LINGO2: variants seen among roughly 807,000 people sequenced by gnomAD.
LINGO2 encodes leucine-rich repeat and immunoglobulin-like domain-containing nogo receptor-interacting protein 2.
LINGO2 carries 14 observed loss-of-function variants against 30.6 expected under a neutral mutation model. The observed-to-expected ratio is 0.46, with a 90% CI of 0.30 to 0.72. The LOEUF (loss-of-function observed/expected upper bound fraction) is 0.72, where lower values mean the gene tolerates loss of function less well. LINGO2 is among the 30% of genes least tolerant of loss of function. The probability of loss-of-function intolerance (pLI) is 0.07; values close to 1 mark genes in which losing one functional copy is unlikely to be tolerated. For synonymous variants in LINGO2, 317 were observed against 288.5 expected, an observed-to-expected ratio of 1.10 and a Z score of -1.00; for missense variants, 729 against 751.7, an observed-to-expected ratio of 0.97 and a Z score of 0.35.
chr9:28,906,586 C>T, the LINGO2 span, among the ~76,000 whole-genome samples: 1 of 151,782 alleles, frequency 6.6e-6, no homozygotes, highest in Admixed American at 6.6e-5. Context: ...ATGCCAAATG[C>T]AGAAAGGGTG....
intron 2 of LINGO2, among the ~76,000 whole-genome samples, chr9:28,470,364 C>T (rs904633442): frequency 6.6e-6 from 1 of 152,172 alleles, no homozygotes; most frequent in African/African-American, 2.4e-5. Context: ...AAATTATGCA[C>T]ATACAAATTG....
chr9:28,926,486 A>G, the LINGO2 span, among the ~76,000 whole-genome samples: 4 of 152,042 alleles, frequency 2.6e-5, no homozygotes, highest in African/African-American at 9.7e-5. Flanking sequence ...ATATGCTGAC[A>G]TGACAAAGAT....
chr9:28,953,569 T>C, the LINGO2 span, among the ~76,000 whole-genome samples: 16 of 152,218 alleles, frequency 1.1e-4, 1 homozygote, highest in African/African-American at 3.1e-4. Context: ...GACTGTTCTA[T>C]ATTTTTGTAA....
chr9:28,392,969 G>C (rs747295163), intron 2 of LINGO2, among the ~76,000 whole-genome samples: 12 of 152,186 alleles, frequency 7.9e-5, no homozygotes, highest in Non-Finnish European at 8.8e-5. Context: ...ATGGTGCTGA[G>C]GGAGAATATG....
chr9:28,410,434 A>C (rs1168226956), intron 2 of LINGO2, among the ~76,000 whole-genome samples: 2 of 152,124 alleles, frequency 1.3e-5, no homozygotes, highest in African/African-American at 4.8e-5. Flanking sequence ...AAAAATAAGA[A>C]TGTTCCCCTG....
chr9:29,122,767 T>C, the LINGO2 span, among the ~76,000 whole-genome samples: 1 of 152,076 alleles, frequency 6.6e-6, no homozygotes, highest in African/African-American at 2.4e-5. Flanking sequence ...CTGTCATTCA[T>C]CTCTGTCCAT....
At chr9:28,218,281 A>T (rs1316658449) in intron 4 of LINGO2, among the ~76,000 whole-genome samples, 4 of 149,200 alleles carry the variant, frequency 2.7e-5, no homozygotes, top group Admixed American at 2.7e-4. Context: ...TGAATTTCTA[A>T]TTTTTTTTTT....
At chr9:28,577,588 G>A (rs1212873736) in intron 1 of LINGO2, among the ~76,000 whole-genome samples, 3 of 152,102 alleles carry the variant, frequency 2.0e-5, no homozygotes. Context: ...TATGTGTATT[G>A]AATTCTTTCT....
chr9:28,140,828 G>A (rs1400756239), intron 4 of LINGO2, among the ~76,000 whole-genome samples: 1 of 151,908 alleles, frequency 6.6e-6, no homozygotes, highest in East Asian at 1.9e-4. Context: ...TATCTCTAAT[G>A]TCCTGTACAG....
At chr9:28,869,277 C>G in the LINGO2 span, among the ~76,000 whole-genome samples, 1,245 of 152,110 alleles carry the variant, frequency 8.2e-3, 16 homozygotes, top group African/African-American at 0.029. Flanking sequence ...GCAAATATTT[C>G]CAGTACAGCC....
the LINGO2 span, among the ~76,000 whole-genome samples, chr9:28,991,669 G>C: frequency 6.6e-6 from 1 of 150,782 alleles, no homozygotes; most frequent in East Asian, 1.9e-4. Context: ...CGGATCTCTC[G>C]GCAGAAACTC....
intron 3 of LINGO2, among the ~76,000 whole-genome samples, chr9:28,313,550 A>C (rs1047590750): frequency 1.3e-5 from 2 of 152,180 alleles, no homozygotes; most frequent in Admixed American, 1.3e-4. Context: ...GATCAGAAGA[A>C]ATTGAAATCT....
chr9:28,152,165 T>C (rs1409017341), intron 4 of LINGO2, among the ~76,000 whole-genome samples: 1 of 152,194 alleles, frequency 6.6e-6, no homozygotes, highest in Non-Finnish European at 1.5e-5. Context: ...GACCTAGTTG[T>C]TTGGGTCATG....
At chr9:28,773,598 A>G in the LINGO2 span, among the ~76,000 whole-genome samples, 2 of 152,144 alleles carry the variant, frequency 1.3e-5, no homozygotes, top group East Asian at 1.9e-4. Flanking sequence ...GGAAACCTGC[A>G]TCTCTAAGCT....
chr9:28,717,523 A>T, the LINGO2 span, among the ~76,000 whole-genome samples: 1 of 152,056 alleles, frequency 6.6e-6, no homozygotes, highest in Non-Finnish European at 1.5e-5. Flanking sequence ...ATAAAGACTA[A>T]AACTCTAAGG....
chr9:28,235,269 A>T (rs549645528), intron 4 of LINGO2, among the ~76,000 whole-genome samples: 13 of 152,306 alleles, frequency 8.5e-5, no homozygotes, highest in Non-Finnish European at 1.8e-4. Flanking sequence ...CTTATCCAAG[A>T]CCAGCAAGGA....
At chr9:28,948,093 T>G in the LINGO2 span, among the ~76,000 whole-genome samples, 1 of 152,090 alleles carries the variant, frequency 6.6e-6, no homozygotes, top group Admixed American at 6.6e-5. Context: ...CACTATTGCT[T>G]GCATTTTCAG....
chr9:27,941,347 G>A, the LINGO2 span: 42,149 of 152,336 alleles, frequency 0.28, 6,400 homozygotes, highest in Middle Eastern at 0.45. Flanking sequence ...TGAGGCAGGA[G>A]AATCTCTTGA....
chr9:28,657,230 A>G (rs1026906025), intron 1 of LINGO2, among the ~76,000 whole-genome samples: 1 of 152,132 alleles, frequency 6.6e-6, no homozygotes, highest in African/African-American at 2.4e-5. Flanking sequence ...TAAGTGTATA[A>G]TTTAATTGGC....
Sources: gnomAD v4.1 joint callset for allele counts (sites outside exome capture counted in the v4.1 genomes callset) on GRCh38, gnomAD v4.1.1 for gene constraint, MANE v1.5 for transcripts, NCBI Gene and HGNC (gene_info 2026-07-23, HGNC 2026-07-21) for gene names.